MTCL1: variants seen among roughly 807,000 people sequenced by gnomAD.
The protein encoded by MTCL1 is microtubule cross-linking factor 1.
MTCL1 carries 79 observed loss-of-function variants against 141.4 expected under a neutral mutation model. The observed-to-expected ratio is 0.56, with a 90% CI of 0.47 to 0.67. MTCL1 has a LOEUF of 0.67. Among genes scored for constraint, MTCL1 ranks in the 30% least tolerant of loss-of-function variants. The pLI, the probability that MTCL1 is intolerant of heterozygous loss-of-function variation, is 0.00. For synonymous variants in MTCL1, 914 were observed against 875.8 expected (o/e 1.04, Z -0.77); for missense variants, 2,177 against 2,113.9 (o/e 1.03, Z -0.59).
chr18:8,730,850 G>A (rs1192040583), intron 4 of MTCL1, among the ~76,000 whole-genome samples: 1 of 152,200 alleles, frequency 6.6e-6, no homozygotes, highest in Non-Finnish European at 1.5e-5. Flanking sequence ...CTTGGAAGAT[G>A]GGAATCTCTG....
intron 4 of MTCL1, among the ~76,000 whole-genome samples, chr18:8,739,019 G>C (rs2096287724): frequency 6.6e-6 from 1 of 152,182 alleles, no homozygotes; most frequent in African/African-American, 2.4e-5. Flanking sequence ...TGGGAGGGTT[G>C]CTTGAGGCCA....
chr18:8,770,306 G>A (rs1007574823), intron 4 of MTCL1, among the ~76,000 whole-genome samples: 5 of 152,230 alleles, frequency 3.3e-5, no homozygotes, highest in Non-Finnish European at 7.3e-5. Context: ...AATTAGATTA[G>A]ATATTGTCTT....
chr18:8,735,436 A>G (rs1391754100), intron 4 of MTCL1, among the ~76,000 whole-genome samples: 3 of 152,114 alleles, frequency 2.0e-5, no homozygotes, highest in Non-Finnish European at 2.9e-5. Flanking sequence ...ACAGGACAGG[A>G]ACCCTTGCCG....
At chr18:8,754,696 A>G (rs1598499554) in intron 4 of MTCL1, among the ~76,000 whole-genome samples, 1 of 152,236 alleles carries the variant, frequency 6.6e-6, no homozygotes, top group Non-Finnish European at 1.5e-5. Flanking sequence ...TAGCTTTAGT[A>G]TAGATGCGTG....
At chr18:8,775,977 C>T (rs1398097364) in intron 4 of MTCL1, among the ~76,000 whole-genome samples, 1 of 152,190 alleles carries the variant, frequency 6.6e-6, no homozygotes, top group Non-Finnish European at 1.5e-5. Context: ...CAAGGGCTGG[C>T]ATTCTGAGAG....
chr18:8,779,072 G>A lies in MTCL1; in HGVS notation c.417+1180G>A, dbSNP rs765866218. On this transcript the variant is annotated intron_variant, in intron 5 of 16. Transcript: ENST00000359865. This position sits in a 1 kb window ranked among gnomAD's most constrained non-coding sequence, Gnocchi z 4.1. ...GGAGCGCCCTGGGAACTGCAGGCCCGCAACCAAAACCCAAAGGAAGCTGGC... is the reference window on the plus strand; with the variant it reads ...GGAGCGCCCTGGGAACTGCAGGCCCACAACCAAAACCCAAAGGAAGCTGGC... Among the ~76,000 whole-genome samples the A allele has an allele frequency of 1.3e-5, 2 of 152,252 alleles. No homozygotes were observed. Among genetic ancestry groups the A allele is most frequent in the Admixed American group, 6.5e-5 (1 of 15,288 alleles).
chr18:8,778,099 G>T, intron 5 of MTCL1: 1 of 468,666 alleles, frequency 2.1e-6, no homozygotes, highest in Non-Finnish European at 3.7e-6. Flanking sequence ...CCCTCACGCT[G>T]ACAAGCTGGT....
chr18:8,720,476 G>A (rs1356615563), exon 4 of MTCL1: 6 of 1,613,990 alleles, frequency 3.7e-6, no homozygotes, highest in Admixed American at 1.7e-5. Context: ...CCTCCAGAAT[G>A]AGCTGGAGAG....
At position 8,809,639 on chromosome 18, in the gene MTCL1, A is replaced by C; in HGVS notation, c.2604+2579A>C. On this transcript the variant is annotated intron_variant, in intron 11 of 16. Coordinates refer to ENST00000359865, the Ensembl canonical transcript of MTCL1. ...GCACACACCTGAAAAAAACGGAGCA[A>C]GTAGAGAGTGGCCGGGCCTGGTGGC... 2.6e-6 allele frequency: 4 copies of C among 1,520,086 alleles called. No homozygotes were observed. In the South Asian group the frequency reaches 4.8e-5, roughly 18 times the overall value. 94.2% of individuals were successfully genotyped at this position (1,520,086 alleles called of 1,614,324 possible). A position where few individuals can be genotyped will look rare whatever the true frequency, so the allele number is the denominator to read the frequency against.
intron 14 of MTCL1, among the ~76,000 whole-genome samples, chr18:8,823,670 T>C (rs1314960217): frequency 6.6e-6 from 1 of 152,242 alleles, no homozygotes; most frequent in African/African-American, 2.4e-5. Context: ...CAAGATGGAA[T>C]GCCTAACGAT....
At chr18:8,705,606 C>CCGCCGCCGT (rs1218361944), upstream of MTCL1, 35 of 1,198,706 alleles carry the variant, frequency 2.9e-5, no homozygotes, top group Middle Eastern at 3.2e-4. The surrounding 1 kb of genome is among the most constrained non-coding windows in gnomAD (Gnocchi z 5.2). Context: ...GCCGCCGCCG[C>CCGCCGCCGT]CGCCGTCGTC....
chr18:8,824,091 GC>G (rs913079494), intron 14 of MTCL1, among the ~76,000 whole-genome samples: 1 of 152,184 alleles, frequency 6.6e-6, no homozygotes, highest in Non-Finnish European at 1.5e-5. Context: ...GGCACAGGCA[GC>G]CCCAGCCCCG....
At chr18:8,805,111 A>G (rs1376833017) in intron 10 of MTCL1, among the ~76,000 whole-genome samples, 2 of 150,728 alleles carry the variant, frequency 1.3e-5, no homozygotes, top group Non-Finnish European at 2.9e-5. Flanking sequence ...GAATATATAT[A>G]TATATATAGA....
intron 2 of MTCL1, 59 bp from the exon 2 acceptor site, chr18:8,718,365 A>G: frequency 6.6e-7 from 1 of 1,504,222 alleles, no homozygotes; most frequent in Non-Finnish European, 9.2e-7. Context: ...TGAAGGAGAG[A>G]CATGCCATCC....
exon 15 of MTCL1, chr18:8,826,212 G>A: frequency 1.2e-6 from 2 of 1,603,708 alleles, no homozygotes; most frequent in Non-Finnish European, 1.7e-6. Flanking sequence ...GGGGGACACA[G>A]CCGAGCCAGG....
At chr18:8,792,427 C>T (rs2075763790) in intron 7 of MTCL1, among the ~76,000 whole-genome samples, 1 of 152,198 alleles carries the variant, frequency 6.6e-6, no homozygotes, top group Non-Finnish European at 1.5e-5. Context: ...GGCCTGAAGC[C>T]GTGCATCTCT....
upstream of MTCL1, among the ~76,000 whole-genome samples, chr18:8,714,290 TA>T (rs1473087775): frequency 2.0e-5 from 3 of 152,174 alleles, no homozygotes; most frequent in Non-Finnish European, 4.4e-5. Flanking sequence ...ATCAACTGCA[TA>T]ATGTGTTCCT....
intron 8 of MTCL1, among the ~76,000 whole-genome samples, chr18:8,795,113 A>G (rs539322488): frequency 6.6e-6 from 1 of 152,360 alleles, no homozygotes; most frequent in Admixed American, 6.5e-5. Context: ...AAACTACAGT[A>G]AAGGTCAGGT....
intron 12 of MTCL1, among the ~76,000 whole-genome samples, chr18:8,816,275 T>A (rs1053382266): frequency 6.6e-6 from 1 of 152,252 alleles, no homozygotes; most frequent in Non-Finnish European, 1.5e-5. Flanking sequence ...GTAAGCCATA[T>A]AATATAACCT....
Sources: gnomAD v4.1 joint callset for allele counts (sites outside exome capture counted in the v4.1 genomes callset) on GRCh38, gnomAD v4.1.1 for gene constraint, Gnocchi (gnomAD v3.1) non-coding constraint, MANE v1.5 for transcripts, NCBI Gene and HGNC (gene_info 2026-07-23, HGNC 2026-07-21) for gene names.